Variants in IMMP2L observed in about 807,000 individuals in gnomAD.
The protein encoded by IMMP2L is mitochondrial inner membrane protease subunit 2.
A neutral mutation model predicts 19.3 loss-of-function variants in IMMP2L; 18 were observed. The observed-to-expected ratio is 0.93, with a 90% CI of 0.64 to 1.38. The LOEUF is 1.38. IMMP2L is among the 40% of genes most tolerant of loss of function. The pLI, the probability that IMMP2L is intolerant of heterozygous loss-of-function variation, is 0.00. For synonymous variants in IMMP2L, 76 were observed against 73.0 expected, an observed-to-expected ratio of 1.04 and a Z score of -0.21; for missense variants, 233 against 218.2, an observed-to-expected ratio of 1.07 and a Z score of -0.43.
chr7:110,965,055 G>A (rs971748203), intron 3 of IMMP2L, among the ~76,000 whole-genome samples: 2 of 151,976 alleles, frequency 1.3e-5, no homozygotes, highest in Admixed American at 6.6e-5. Context: ...GATAATAAAC[G>A]TTTGTTGTTT....
At chr7:111,422,648 T>A (rs1332747496) in intron 3 of IMMP2L, among the ~76,000 whole-genome samples, 1 of 151,908 alleles carries the variant, frequency 6.6e-6, no homozygotes, top group African/African-American at 2.4e-5. Flanking sequence ...ACAAATACAA[T>A]CATGTCATCT....
chr7:111,128,037 T>C (rs1021975237), intron 3 of IMMP2L, among the ~76,000 whole-genome samples: 3 of 152,178 alleles, frequency 2.0e-5, no homozygotes, highest in African/African-American at 7.2e-5. Context: ...AACAGATTTA[T>C]GGTACATATA....
At chr7:111,514,219 T>A (rs1263453179) in intron 2 of IMMP2L, among the ~76,000 whole-genome samples, 4 of 152,024 alleles carry the variant, frequency 2.6e-5, no homozygotes, top group Non-Finnish European at 5.9e-5. Context: ...CTATATGAAG[T>A]AAAGGGTATG....
At chr7:111,060,266 A>G (rs1290500289) in intron 3 of IMMP2L, among the ~76,000 whole-genome samples, 1 of 152,254 alleles carries the variant, frequency 6.6e-6, no homozygotes, top group Non-Finnish European at 1.5e-5. Flanking sequence ...AGGTACTACC[A>G]CCACTCAAGT....
At chr7:111,407,057 C>G (rs761274963) in intron 3 of IMMP2L, among the ~76,000 whole-genome samples, 2 of 151,998 alleles carry the variant, frequency 1.3e-5, no homozygotes, top group African/African-American at 2.4e-5. Flanking sequence ...GAGTAAGACA[C>G]ATAAATATGT....
At chr7:111,043,953 T>C (rs929614577) in intron 3 of IMMP2L, among the ~76,000 whole-genome samples, 2 of 152,194 alleles carry the variant, frequency 1.3e-5, no homozygotes, top group African/African-American at 4.8e-5. Context: ...AGAATGTTCA[T>C]AGTCCGAAAG....
chr7:111,344,566 G>A (rs936330689), intron 3 of IMMP2L, among the ~76,000 whole-genome samples: 1 of 152,132 alleles, frequency 6.6e-6, no homozygotes, highest in African/African-American at 2.4e-5. Context: ...AATGATTTAG[G>A]AAGGAAGCAA....
intron 3 of IMMP2L, among the ~76,000 whole-genome samples, chr7:111,427,440 G>A (rs1836193351): frequency 6.6e-6 from 1 of 151,666 alleles, no homozygotes; most frequent in Non-Finnish European, 1.5e-5. Context: ...AGATCCAAGA[G>A]AAAAGAGACT....
intron 4 of IMMP2L, among the ~76,000 whole-genome samples, chr7:110,905,046 T>A (rs1233102487): frequency 1.3e-5 from 2 of 152,190 alleles, no homozygotes; most frequent in Non-Finnish European, 2.9e-5. Context: ...TCACCTAAAC[T>A]CTACTTACCA....
chr7:111,492,394 T>G (rs1033377130), intron 2 of IMMP2L: 91 of 984,310 alleles, frequency 9.2e-5, no homozygotes, highest in Non-Finnish European at 1.1e-4. Context: ...GTCCAGTTTC[T>G]AACCCGCTCT....
chr7:110,949,737 A>C (rs1448030293), intron 4 of IMMP2L, among the ~76,000 whole-genome samples: 1 of 152,178 alleles, frequency 6.6e-6, no homozygotes. Flanking sequence ...CTGCAGAGAC[A>C]AGAAAAATAT....
At chr7:111,399,232 T>C (rs1039393220) in intron 3 of IMMP2L, among the ~76,000 whole-genome samples, 4 of 152,098 alleles carry the variant, frequency 2.6e-5, no homozygotes, top group African/African-American at 9.7e-5. Flanking sequence ...TTTCAAACTA[T>C]ACTGTAAGGC....
chr7:111,088,757 T>A (rs2129577482), intron 3 of IMMP2L, among the ~76,000 whole-genome samples: 1 of 152,292 alleles, frequency 6.6e-6, no homozygotes, highest in East Asian at 1.9e-4. Context: ...GATACCAAAA[T>A]AATTTTTTCA....
chr7:110,757,472 C>T lies in IMMP2L; in HGVS notation c.409-93751G>A, dbSNP rs1798100726. ...CACCAGATACGCTCTCCACATTTCT[C>T]TTGAACTCTTTGTCCCAGGAGGTTA... On this transcript the variant is annotated intron_variant, in intron 5 of 5. Coordinates refer to ENST00000405709, the MANE Select transcript of IMMP2L (RefSeq NM_032549.4). The surrounding 1 kb of genome is among the most constrained non-coding windows in gnomAD (Gnocchi z 4.2). Among the ~76,000 whole-genome samples, 1 of 152,088 alleles carries T rather than the reference C, an allele frequency of 6.6e-6. No homozygotes were observed. The highest frequency in any genetic ancestry group is 1.5e-5 in the Non-Finnish European group (1 of 68,010).
intron 5 of IMMP2L, among the ~76,000 whole-genome samples, chr7:110,847,253 G>A (rs1357608809): frequency 6.6e-6 from 1 of 152,098 alleles, no homozygotes; most frequent in Non-Finnish European, 1.5e-5. Flanking sequence ...ACATTGAAAA[G>A]GTTTGCTGAA....
intron 3 of IMMP2L, among the ~76,000 whole-genome samples, chr7:111,218,630 A>C (rs145932886): frequency 1.9e-3 from 284 of 152,152 alleles, no homozygotes; most frequent in African/African-American, 3.0e-3. Flanking sequence ...GAAAGTCTCG[A>C]GATGGGAGAA....
At chr7:111,125,694 T>G (rs1201933999) in intron 3 of IMMP2L, among the ~76,000 whole-genome samples, 1 of 152,116 alleles carries the variant, frequency 6.6e-6, no homozygotes, top group Non-Finnish European at 1.5e-5. Context: ...CACTTAAGGA[T>G]TTTTTTAACA....
chr7:111,306,379 T>C (rs1822869668), intron 3 of IMMP2L, among the ~76,000 whole-genome samples: 1 of 152,066 alleles, frequency 6.6e-6, no homozygotes, highest in Admixed American at 6.6e-5. Context: ...TACTGATAAA[T>C]GGGGAAGTCT....
chr7:111,055,867 A>G (rs1793464558), intron 3 of IMMP2L, among the ~76,000 whole-genome samples: 1 of 152,238 alleles, frequency 6.6e-6, no homozygotes, highest in African/African-American at 2.4e-5. Context: ...GCTAAATTCT[A>G]GTAGCTAATA....
Sources: allele counts gnomAD v4.1 joint callset (sites outside exome capture counted in the v4.1 genomes callset), GRCh38; gene constraint gnomAD v4.1.1; non-coding constraint Gnocchi (gnomAD v3.1); transcripts MANE v1.5; gene names NCBI Gene and HGNC (gene_info 2026-07-23, HGNC 2026-07-21).